ZDHHC15: variants seen among roughly 807,000 people sequenced by gnomAD.
The protein encoded by ZDHHC15 is zDHHC palmitoyltransferase 15, also known as palmitoyltransferase ZDHHC15.
A neutral mutation model predicts 31.7 loss-of-function variants in ZDHHC15; 19 were observed. The observed-to-expected ratio is 0.60, with a 90% CI of 0.42 to 0.88. The LOEUF is 0.88. Ranked by LOEUF, ZDHHC15 falls within the 40% of genes least tolerant of loss-of-function variation. The pLI, the probability that ZDHHC15 is intolerant of heterozygous loss-of-function variation, is 0.00. For synonymous variants in ZDHHC15, 103 were observed against 90.0 expected (o/e 1.14, Z -0.82); for missense variants, 209 against 251.2 (o/e 0.83, Z 1.14).
rs1345195544 is a variant in ZDHHC15, at chrX:75,370,576, G to C, written c.*2402C>G. 9.9e-6 allele frequency: 1 copy of C among 101,299 alleles called. No individual in the cohort carries two copies. The highest frequency in any genetic ancestry group is 1.9e-5 in the Non-Finnish European group (1 of 51,424). 8.3% of individuals were successfully genotyped at this position (101,299 alleles called of 1,213,427 possible). ...GACAGAGTTTCACTCTTATTGCCCAGGCCGGAGTGCAATGGCACGATCTCA... is the reference window on the plus strand; with the variant it reads ...GACAGAGTTTCACTCTTATTGCCCACGCCGGAGTGCAATGGCACGATCTCA... On this transcript the variant is annotated 3_prime_UTR_variant, in exon 12 of 12. Transcript: ENST00000373367.
intron 1 of ZDHHC15, among the ~76,000 whole-genome samples, chrX:75,516,136 T>C (rs2085352262): frequency 9.0e-6 from 1 of 111,667 alleles, no homozygotes; most frequent in African/African-American, 3.3e-5. Flanking sequence ...GAAGAATCAA[T>C]ATCATGAAAA....
At chrX:75,440,640 C>T (rs1346785003) in intron 4 of ZDHHC15, among the ~76,000 whole-genome samples, 3 of 112,195 alleles carry the variant, frequency 2.7e-5, no homozygotes, top group Non-Finnish European at 5.6e-5. Context: ...GGAGGTGGGG[C>T]TTTCAAGAGA....
chrX:75,490,038 G>A (rs1352492840), intron 2 of ZDHHC15, among the ~76,000 whole-genome samples: 8 of 111,303 alleles, frequency 7.2e-5, no homozygotes, highest in African/African-American at 2.3e-4. Flanking sequence ...GAGGTTTAGA[G>A]AAAAAAAGAA....
At chrX:75,466,425 C>A (rs1332017206) in intron 3 of ZDHHC15, among the ~76,000 whole-genome samples, 1 of 111,539 alleles carries the variant, frequency 9.0e-6, no homozygotes, top group Admixed American at 9.6e-5. Context: ...TTTGACCCAG[C>A]AATCCCATTA....
chrX:75,514,000 A>G (rs2085317458), intron 1 of ZDHHC15, among the ~76,000 whole-genome samples: 1 of 112,941 alleles, frequency 8.9e-6, no homozygotes, highest in African/African-American at 3.2e-5. Context: ...ACACATATAC[A>G]GAACTCTATG....
Position 75,505,893 on chromosome X carries a change from GGAT to G in ZDHHC15, c.137-49_137-47del, listed in dbSNP as rs765633554. Reference sequence around the variant, plus strand: ...GAGAGACAGACAGACAGACAGAGATGGATGAGAGAGAGAGAGAGAGAAATTAGT... The same window carrying G: ...GAGAGACAGACAGACAGACAGAGATGGAGAGAGAGAGAGAGAGAAATTAGT... On this transcript the variant is annotated intron_variant, in intron 1 of 11. Coordinates refer to ENST00000373367, the MANE Select transcript of ZDHHC15 (RefSeq NM_144969.3). 152 of 1,042,033 alleles carry G rather than the reference GGAT, an allele frequency of 1.5e-4. 1 individual carries two copies. In the South Asian group the frequency reaches 2.8e-3, roughly 19 times the overall value. The allele number at this position is 1,042,033 out of a possible 1,213,427, so 85.9% of individuals were successfully genotyped here. A position where few individuals can be genotyped will look rare whatever the true frequency, so the allele number is the denominator to read the frequency against.
chrX:75,490,020 C>T (rs754812294), intron 2 of ZDHHC15, among the ~76,000 whole-genome samples: 23 of 110,928 alleles, frequency 2.1e-4, no homozygotes, highest in African/African-American at 4.9e-4. Flanking sequence ...TGAAATGAAG[C>T]GAGAAGAGAG....
chrX:75,472,975 G>C lies in ZDHHC15; in HGVS notation c.258+5916C>G, dbSNP rs141967061. Among the ~76,000 whole-genome samples, 24 of 112,313 alleles carry C rather than the reference G, an allele frequency of 2.1e-4. No individual in the cohort carries two copies. In the East Asian group the frequency reaches 6.8e-3, roughly 32 times the overall value. On this transcript the variant is annotated intron_variant, in intron 3 of 11. Coordinates refer to ENST00000373367, the MANE Select transcript of ZDHHC15 (RefSeq NM_144969.3). The stretch of plus-strand genomic sequence containing the variant: ...GCAGAGGTTTTTCCTCACTGGAATA[G>C]ATACTGACTCCGAATACAGGTTTAC...
intron 10 of ZDHHC15, among the ~76,000 whole-genome samples, chrX:75,387,819 A>G (rs1217057232): frequency 1.8e-5 from 2 of 112,354 alleles, no homozygotes; most frequent in Admixed American, 9.4e-5. Flanking sequence ...GAGCACACCA[A>G]AAGATTCAAC....
intron 2 of ZDHHC15, among the ~76,000 whole-genome samples, chrX:75,499,272 T>C (rs980144980): frequency 3.6e-5 from 4 of 111,268 alleles, no homozygotes; most frequent in Non-Finnish European, 7.6e-5. Flanking sequence ...AAAACAAAGA[T>C]AAATAGATCG....
chrX:75,516,174 G>T (rs1222708478), intron 1 of ZDHHC15, among the ~76,000 whole-genome samples: 1 of 111,779 alleles, frequency 8.9e-6, no homozygotes, highest in Non-Finnish European at 1.9e-5. Flanking sequence ...GTAATTTATA[G>T]ATTCAATGCC....
chrX:75,433,691 GTGTGTGTA>G (rs1483054373), intron 4 of ZDHHC15, among the ~76,000 whole-genome samples: 130 of 6,522 alleles, frequency 0.02, no homozygotes, highest in African/African-American at 0.027. Flanking sequence ...GTGTGTGTGT[GTGTGTGTA>G]TATATATATA....
chrX:75,432,292 C>T (rs903895380), intron 4 of ZDHHC15, among the ~76,000 whole-genome samples: 1 of 110,918 alleles, frequency 9.0e-6, no homozygotes, highest in East Asian at 2.8e-4. Flanking sequence ...TGATAGAGTA[C>T]GACTGTGTTT....
In ZDHHC15 at chrX:75,429,935, C is replaced by T. The variant is rs769592416; in HGVS notation, c.482+13G>A. On this transcript the variant is annotated intron_variant, in intron 6 of 11. Transcript: ENST00000373367. ...ACCCCTTTAGAGGAGAGAAATGAAT[C>T]AAACAGACATACCAAGGGCAGTGAT... is the stretch of plus-strand genomic sequence containing the variant. The T allele has an allele frequency of 8.3e-7, 1 of 1,207,509 alleles. No individual in the cohort carries two copies. Among genetic ancestry groups the T allele is most frequent in the Non-Finnish European group, 1.1e-6 (1 of 893,141 alleles).
At chrX:75,495,287 G>A (rs1432259534) in intron 2 of ZDHHC15, among the ~76,000 whole-genome samples, 19 of 111,647 alleles carry the variant, frequency 1.7e-4, no homozygotes, top group African/African-American at 5.5e-4. Context: ...AACAACAGGT[G>A]CTGGAGAGGA....
chrX:75,396,749 T>A (rs2083302941), intron 10 of ZDHHC15, among the ~76,000 whole-genome samples: 1 of 110,156 alleles, frequency 9.1e-6, no homozygotes, highest in Admixed American at 9.7e-5. Flanking sequence ...TAAGTGTCCA[T>A]CAGCAGATGA....
chrX:75,401,255 CAA>C (rs59465325), intron 10 of ZDHHC15, among the ~76,000 whole-genome samples: 52 of 82,767 alleles, frequency 6.3e-4, no homozygotes, highest in South Asian at 3.8e-3. Context: ...GTGCTGTTTC[CAA>C]AAAAAAAAAA....
At chrX:75,439,391 T>C (rs2083907934) in intron 4 of ZDHHC15, among the ~76,000 whole-genome samples, 1 of 111,667 alleles carries the variant, frequency 9.0e-6, no homozygotes, top group African/African-American at 3.2e-5. Flanking sequence ...CTTTGTCAGA[T>C]TGGGTTAATT....
At chrX:75,424,621 G>GT (rs1028202520) in intron 8 of ZDHHC15, 31 bp downstream of exon 8, 92 of 1,169,188 alleles carry the variant, frequency 7.9e-5, no homozygotes, top group African/African-American at 1.1e-4. Flanking sequence ...ACATTAATAT[G>GT]TTTTTTCCTA....
Sources: allele counts gnomAD v4.1 joint callset (sites outside exome capture counted in the v4.1 genomes callset), GRCh38; gene constraint gnomAD v4.1.1; transcripts MANE v1.5; gene names NCBI Gene and HGNC (gene_info 2026-07-23, HGNC 2026-07-21).